FTO: variants seen among roughly 807,000 people sequenced by gnomAD.
The protein encoded by FTO is alpha-ketoglutarate-dependent dioxygenase FTO.
FTO carries 47 observed loss-of-function variants against 63.9 expected under a neutral mutation model. The observed-to-expected ratio is 0.74, with a 90% CI of 0.58 to 0.94. FTO has a LOEUF of 0.94. FTO is among the 40% of genes least tolerant of loss of function. FTO has a pLI of 0.00. For missense variants in FTO, 562 were observed against 618.1 expected, an observed-to-expected ratio of 0.91 and a Z score of 0.96; for synonymous variants, 207 against 224.4, an observed-to-expected ratio of 0.92 and a Z score of 0.69.
At chr16:53,738,936 G>T (rs1306188319) in intron 1 of FTO, among the ~76,000 whole-genome samples, 1 of 151,940 alleles carries the variant, frequency 6.6e-6, no homozygotes, top group African/African-American at 2.4e-5. Flanking sequence ...AACCTCCGGG[G>T]CTCAAGCAGT....
intron 1 of FTO, among the ~76,000 whole-genome samples, chr16:53,790,553 A>T (rs922049169): frequency 6.7e-6 from 1 of 149,714 alleles, no homozygotes; most frequent in Non-Finnish European, 1.5e-5. Context: ...CCCCATCTCT[A>T]TAAAGAAAAC....
intron 8 of FTO, among the ~76,000 whole-genome samples, chr16:54,078,187 T>TTACATA (rs2144496735): frequency 6.6e-6 from 1 of 151,952 alleles, no homozygotes; most frequent in South Asian, 2.1e-4. Flanking sequence ...CATCTAAAGT[T>TTACATA]TACATATACA....
intron 1 of FTO, among the ~76,000 whole-genome samples, chr16:53,770,464 C>T (rs1227020127): frequency 1.3e-5 from 2 of 152,098 alleles, no homozygotes; most frequent in African/African-American, 4.8e-5. Context: ...AATATGAATA[C>T]AATTTAATAT....
intron 2 of FTO, among the ~76,000 whole-genome samples, chr16:53,816,605 A>G (rs1418687855): frequency 6.6e-6 from 1 of 151,504 alleles, no homozygotes; most frequent in African/African-American, 2.4e-5. Context: ...CTCAACCTGG[A>G]ACTCTCTCAT....
chr16:54,016,723 C>T (rs546701701), intron 8 of FTO, among the ~76,000 whole-genome samples: 7 of 152,144 alleles, frequency 4.6e-5, no homozygotes, highest in Non-Finnish European at 8.8e-5. Flanking sequence ...CCTTTTCTCT[C>T]TCTTCTTGGT....
At chr16:53,755,670 C>G (rs1157655920) in intron 1 of FTO, among the ~76,000 whole-genome samples, 3 of 152,196 alleles carry the variant, frequency 2.0e-5, no homozygotes, top group Non-Finnish European at 4.4e-5. Context: ...GCCCAAAATG[C>G]AGATTGCATT....
chr16:53,927,963 C>T (rs73611681), intron 7 of FTO, among the ~76,000 whole-genome samples: 1,875 of 152,190 alleles, frequency 0.012, 29 homozygotes, highest in African/African-American at 0.043. Flanking sequence ...ACTAGCATAA[C>T]CTAGCACAAG....
At chr16:53,983,084 A>T (rs570512024) in intron 8 of FTO, among the ~76,000 whole-genome samples, 1 of 152,206 alleles carries the variant, frequency 6.6e-6, no homozygotes, top group Non-Finnish European at 1.5e-5. Context: ...GAAAATATGT[A>T]CATTCATTTT....
chr16:53,840,302 A>G (rs2079438057), intron 3 of FTO, among the ~76,000 whole-genome samples: 1 of 152,122 alleles, frequency 6.6e-6, no homozygotes, highest in South Asian at 2.1e-4. Context: ...CATAATTTTT[A>G]TATCATATTC....
At chr16:54,026,208 C>G (rs771116251) in intron 8 of FTO, among the ~76,000 whole-genome samples, 3 of 152,174 alleles carry the variant, frequency 2.0e-5, no homozygotes, top group Non-Finnish European at 4.4e-5. Context: ...CTGGTGGCTC[C>G]ACAACATCAC....
chr16:53,962,251 C>A (rs2083099534), intron 8 of FTO, among the ~76,000 whole-genome samples: 1 of 152,022 alleles, frequency 6.6e-6, no homozygotes, highest in Non-Finnish European at 1.5e-5. Flanking sequence ...CAGACAGGAC[C>A]CAGAATAAGA....
chr16:53,920,901 C>T (rs2081992779), intron 7 of FTO, among the ~76,000 whole-genome samples: 1 of 152,158 alleles, frequency 6.6e-6, no homozygotes, highest in African/African-American at 2.4e-5. Context: ...TCTGGCTTCA[C>T]TCTCCTGAGC....
At chr16:53,802,504 A>C (rs528428475) in intron 1 of FTO, among the ~76,000 whole-genome samples, 1 of 152,258 alleles carries the variant, frequency 6.6e-6, no homozygotes, top group South Asian at 2.1e-4. Flanking sequence ...ACTGGATTTA[A>C]GTAATTCGAT....
rs1408526761 is a variant in FTO, at chr16:53,978,968, C to T, written c.1364+44859C>T. Among the ~76,000 whole-genome samples, 7 of 152,016 alleles carry T rather than the reference C, an allele frequency of 4.6e-5. No homozygotes were observed. The East Asian group carries it at 9.6e-4, about 21-fold the overall frequency. ...GAGCTGAGATCATGCCGCTGCACTC[C>T]GGCCTGGGAGGTAGAGCGAGACTCT... is the stretch of plus-strand genomic sequence containing the variant. On this transcript the variant is annotated intron_variant, in intron 8 of 8. Transcript: ENST00000471389.
At chr16:53,807,981 T>G (rs1325279859) in intron 1 of FTO, among the ~76,000 whole-genome samples, 3 of 152,198 alleles carry the variant, frequency 2.0e-5, no homozygotes, top group Non-Finnish European at 4.4e-5. Flanking sequence ...TGTAATGGTG[T>G]GTGTTACATT....
In FTO at chr16:53,973,551, A is replaced by G. The variant is rs376223448; in HGVS notation, c.1364+39442A>G. 4.7e-4 allele frequency among the ~76,000 whole-genome samples: 72 copies of G among 152,250 alleles called. No individual in the cohort carries two copies. The South Asian group carries it at 0.014, about 30-fold the overall frequency. ...GTTGGAAAGGGCTAGTTTTGAGGAT[A>G]GTGTTAGAGACCAGAGGTGTGGAAA... On this transcript the variant is annotated intron_variant, in intron 8 of 8. Transcript: ENST00000471389.
At chr16:53,840,531 A>G (rs1301463323) in intron 3 of FTO, among the ~76,000 whole-genome samples, 1 of 152,208 alleles carries the variant, frequency 6.6e-6, no homozygotes, top group Non-Finnish European at 1.5e-5. Context: ...GGCCAGAAAC[A>G]AGTACTTTTG....
At chr16:53,708,689 T>G (rs960684337) in intron 1 of FTO, among the ~76,000 whole-genome samples, 1 of 152,236 alleles carries the variant, frequency 6.6e-6, no homozygotes, top group African/African-American at 2.4e-5. Flanking sequence ...CACTTGTTGT[T>G]GTCTGTCTTT....
chr16:54,108,655 T>C (rs1018329442), intron 8 of FTO, among the ~76,000 whole-genome samples: 1 of 152,188 alleles, frequency 6.6e-6, no homozygotes, highest in Non-Finnish European at 1.5e-5. Context: ...GTAATATTAT[T>C]TTATAGGTAT....
Sources: allele counts gnomAD v4.1 joint callset (sites outside exome capture counted in the v4.1 genomes callset), GRCh38; gene constraint gnomAD v4.1.1; transcripts MANE v1.5; gene names NCBI Gene and HGNC (gene_info 2026-07-23, HGNC 2026-07-21).